CHRM2: variants seen among roughly 807,000 people sequenced by gnomAD.
The protein encoded by CHRM2 is cholinergic receptor muscarinic 2.
In CHRM2, 8 loss-of-function variants were observed where a neutral mutation model predicts 25.0. That is an observed-to-expected ratio of 0.32 (90% CI 0.19 to 0.58). The LOEUF is 0.58. Among genes scored for constraint, CHRM2 ranks in the 20% least tolerant of loss-of-function variants. The pLI, the probability that CHRM2 is intolerant of heterozygous loss-of-function variation, is 0.88. For synonymous variants in CHRM2, 202 were observed against 205.7 expected (o/e 0.98, Z 0.15); for missense variants, 440 against 567.1 (o/e 0.78, Z 2.28).
chr7:136,964,470 G>T (rs926599589), intron 2 of CHRM2, among the ~76,000 whole-genome samples: 14 of 152,166 alleles, frequency 9.2e-5, no homozygotes, highest in African/African-American at 3.4e-4. Context: ...CAGTATAAGG[G>T]CTGGGAGAAA....
intron 3 of CHRM2, among the ~76,000 whole-genome samples, chr7:136,997,071 C>T (rs2131043840): frequency 6.6e-6 from 1 of 152,318 alleles, no homozygotes; most frequent in Non-Finnish European, 1.5e-5. Context: ...GGACTACCAG[C>T]TGTACAGTGT....
intron 2 of CHRM2, among the ~76,000 whole-genome samples, chr7:136,877,362 G>A (rs181555585): frequency 2.6e-5 from 4 of 152,134 alleles, no homozygotes; most frequent in Admixed American, 6.5e-5. Flanking sequence ...TATGTCCTTG[G>A]AGTTAAATCA....
At position 136,994,985 on chromosome 7, in the gene CHRM2, TAC is replaced by T. The variant is rs1803496925; in HGVS notation, c.-47+2723_-47+2724del. ...ATTCAGAGGTGAGAAGGCTGTGGAA[TAC>T]AATTAACTTTAATAAATACAGAAGC... is the stretch of plus-strand genomic sequence containing the variant. On this transcript the variant is annotated intron_variant, in intron 3 of 3. Transcript: ENST00000680005. Among the ~76,000 whole-genome samples the T allele has an allele frequency of 3.3e-5, 5 of 152,228 alleles. No homozygotes were observed. The South Asian group carries it at 8.3e-4, about 25-fold the overall frequency.
At chr7:136,902,989 C>A in intron 2 of CHRM2, 1 of 408,024 alleles carries the variant, frequency 2.5e-6, no homozygotes, top group African/African-American at 2.1e-5. Flanking sequence ...TGGGATTAAC[C>A]TGGAGTCTGG....
chr7:136,879,627 C>T (rs1251167905), intron 2 of CHRM2, among the ~76,000 whole-genome samples: 1 of 151,922 alleles, frequency 6.6e-6, no homozygotes, highest in African/African-American at 2.4e-5. Context: ...TTATCTTTCA[C>T]AGGGGAGCTG....
At chr7:136,885,517 T>C (rs1796429166) in intron 2 of CHRM2, among the ~76,000 whole-genome samples, 1 of 152,238 alleles carries the variant, frequency 6.6e-6, no homozygotes. Flanking sequence ...TTCAGTCAGT[T>C]GTATACCAAG....
chr7:136,929,503 A>G (rs1000662984), intron 2 of CHRM2, among the ~76,000 whole-genome samples: 3 of 152,106 alleles, frequency 2.0e-5, no homozygotes, highest in Admixed American at 2.0e-4. Flanking sequence ...CCAGGAAGAA[A>G]AGAGAGTCCT....
chr7:137,010,390 C>T (rs1381885936), intron 3 of CHRM2, among the ~76,000 whole-genome samples: 2 of 152,088 alleles, frequency 1.3e-5, no homozygotes, highest in Non-Finnish European at 2.9e-5. Flanking sequence ...CACTTGCCAT[C>T]TTAAGATGCT....
intron 2 of CHRM2, among the ~76,000 whole-genome samples, chr7:136,873,828 A>G (rs1467192874): frequency 6.6e-6 from 1 of 152,234 alleles, no homozygotes; most frequent in Non-Finnish European, 1.5e-5. Flanking sequence ...TAAGCAAAGA[A>G]GAGGCAGTGC....
chr7:136,934,409 C>G (rs1041908038), intron 2 of CHRM2, among the ~76,000 whole-genome samples: 1 of 152,028 alleles, frequency 6.6e-6, no homozygotes, highest in Non-Finnish European at 1.5e-5. Context: ...AAATTATTTT[C>G]TAGCCAGCCT....
intron 3 of CHRM2, among the ~76,000 whole-genome samples, chr7:136,998,668 A>G (rs1361839070): frequency 1.3e-5 from 2 of 152,206 alleles, no homozygotes; most frequent in African/African-American, 4.8e-5. Context: ...TGCCTTTTCC[A>G]TGAGTTTAGA....
intron 3 of CHRM2, among the ~76,000 whole-genome samples, chr7:137,011,945 T>C (rs1196195108): frequency 6.6e-6 from 1 of 152,018 alleles, no homozygotes; most frequent in African/African-American, 2.4e-5. Context: ...ATTTTGGACC[T>C]TAGCAATTTA....
chr7:136,903,751 T>C (rs2130637639), intron 2 of CHRM2, among the ~76,000 whole-genome samples: 1 of 152,094 alleles, frequency 6.6e-6, no homozygotes, highest in South Asian at 2.1e-4. Context: ...ATAATGTTAA[T>C]TAATAATGCT....
chr7:137,010,413 G>T (rs1201557185), intron 3 of CHRM2, among the ~76,000 whole-genome samples: 1 of 152,016 alleles, frequency 6.6e-6, no homozygotes, highest in East Asian at 1.9e-4. Flanking sequence ...GTTCTTGAAG[G>T]TCATCTTCAT....
intron 2 of CHRM2, among the ~76,000 whole-genome samples, chr7:136,956,272 TAGTC>T (rs1563088992): frequency 6.6e-6 from 1 of 152,228 alleles, no homozygotes; most frequent in Non-Finnish European, 1.5e-5. Flanking sequence ...AAAGAATTGT[TAGTC>T]AGCGGTCTTT....
chr7:137,007,418 G>A (rs975957723), intron 3 of CHRM2, among the ~76,000 whole-genome samples: 2 of 151,974 alleles, frequency 1.3e-5, no homozygotes, highest in Non-Finnish European at 2.9e-5. Flanking sequence ...TTGAAATAAA[G>A]AAAGCTAGAG....
At chr7:136,966,692 G>T (rs1019204739) in intron 2 of CHRM2, among the ~76,000 whole-genome samples, 1 of 148,828 alleles carries the variant, frequency 6.7e-6, no homozygotes, top group African/African-American at 2.5e-5. Flanking sequence ...AATACACAGT[G>T]AGTCTATAAG....
At chr7:136,983,874 C>T (rs1014591400) in intron 2 of CHRM2, among the ~76,000 whole-genome samples, 3 of 152,198 alleles carry the variant, frequency 2.0e-5, no homozygotes, top group Non-Finnish European at 4.4e-5. Flanking sequence ...GTTTGTCAAT[C>T]CCTGCTGGGA....
At chr7:136,917,178 T>G (rs985480775) in intron 2 of CHRM2, among the ~76,000 whole-genome samples, 3 of 151,958 alleles carry the variant, frequency 2.0e-5, no homozygotes, top group African/African-American at 7.2e-5. Flanking sequence ...TTTTTTGCTT[T>G]CTTTTATTTG....
Sources: gnomAD v4.1 joint callset for allele counts (sites outside exome capture counted in the v4.1 genomes callset) on GRCh38, gnomAD v4.1.1 for gene constraint, MANE v1.5 for transcripts, NCBI Gene and HGNC (gene_info 2026-07-23, HGNC 2026-07-21) for gene names.